TCF12: variants seen among roughly 807,000 people sequenced by gnomAD.
TCF12 encodes the protein DNA-binding protein HTF4.
TCF12 carries 45 observed loss-of-function variants against 86.0 expected under a neutral mutation model. That is an observed-to-expected ratio of 0.52 (90% CI 0.41 to 0.67). TCF12 has a LOEUF of 0.67. TCF12 is among the 30% of genes least tolerant of loss of function. TCF12 has a pLI of 0.00. For synonymous variants in TCF12, 330 were observed against 299.6 expected (o/e 1.10, Z -1.05); for missense variants, 881 against 859.9 (o/e 1.02, Z -0.31).
intron 4 of TCF12, among the ~76,000 whole-genome samples, chr15:57,077,325 ATATGTGTGTGTG>A (rs1366121439): frequency 0.033 from 4,181 of 127,248 alleles, 380 homozygotes; most frequent in African/African-American, 0.088. Context: ...ATATGTATAT[ATATGTGTGTGTG>A]TGTGTGTGTG....
chr15:56,957,479 C>T (rs1303529247), intron 3 of TCF12, among the ~76,000 whole-genome samples: 1 of 152,106 alleles, frequency 6.6e-6, no homozygotes, highest in African/African-American at 2.4e-5. Flanking sequence ...GTTTTTCTTC[C>T]ACAATGTTTA....
intron 7 of TCF12, among the ~76,000 whole-genome samples, chr15:57,196,587 G>A (rs2057276653): frequency 6.6e-6 from 1 of 152,122 alleles, no homozygotes; most frequent in African/African-American, 2.4e-5. Flanking sequence ...GTGTAAACCT[G>A]GAACCCTGTG....
intron 6 of TCF12, among the ~76,000 whole-genome samples, chr15:57,184,760 G>C (rs2056567894): frequency 6.6e-6 from 1 of 151,896 alleles, no homozygotes; most frequent in Non-Finnish European, 1.5e-5. Context: ...AATAAAAGAA[G>C]GAAATTCAAA....
intron 8 of TCF12, among the ~76,000 whole-genome samples, chr15:57,223,642 G>GGTTTTTTTTTT (rs1555400179): frequency 1.5e-4 from 5 of 34,248 alleles, no homozygotes; most frequent in Non-Finnish European, 2.8e-4. Context: ...CTACCAATGA[G>GGTTTTTTTTTT]GTTTTTTTTT....
chr15:57,133,471 G>C (rs146567044), intron 5 of TCF12, among the ~76,000 whole-genome samples: 1 of 152,280 alleles, frequency 6.6e-6, no homozygotes, highest in East Asian at 1.9e-4. Flanking sequence ...CCCCTCCGAG[G>C]TCCTCAGGGT....
intron 8 of TCF12, among the ~76,000 whole-genome samples, chr15:57,208,590 G>T (rs2057965394): frequency 6.6e-6 from 1 of 151,006 alleles, no homozygotes; most frequent in Non-Finnish European, 1.5e-5. Context: ...TCATCTTGTT[G>T]CCCAGGCAGG....
At chr15:57,153,315 A>G (rs1295731040) in intron 5 of TCF12, among the ~76,000 whole-genome samples, 2 of 152,200 alleles carry the variant, frequency 1.3e-5, no homozygotes, top group African/African-American at 2.4e-5. Context: ...TTCTGTCACA[A>G]CTACTCAACT....
intron 3 of TCF12, among the ~76,000 whole-genome samples, chr15:56,933,091 A>G (rs1309778989): frequency 4.6e-5 from 7 of 152,196 alleles, no homozygotes; most frequent in African/African-American, 1.2e-4. Flanking sequence ...GCTACCATTT[A>G]GTTGAGGTCA....
At chr15:57,036,483 G>C (rs1469576866) in intron 3 of TCF12, among the ~76,000 whole-genome samples, 1 of 152,052 alleles carries the variant, frequency 6.6e-6, no homozygotes, top group Non-Finnish European at 1.5e-5. Flanking sequence ...GCATATGAGG[G>C]TTCTAATTTT....
intron 5 of TCF12, among the ~76,000 whole-genome samples, chr15:57,141,695 C>T (rs1468543293): frequency 2.0e-5 from 3 of 152,208 alleles, no homozygotes; most frequent in Non-Finnish European, 4.4e-5. Context: ...TCACTGGAAA[C>T]AGCTATAAAT....
At chr15:57,198,094 T>A (rs1335133646) in intron 8 of TCF12, among the ~76,000 whole-genome samples, 2 of 152,230 alleles carry the variant, frequency 1.3e-5, no homozygotes, top group African/African-American at 4.8e-5. Context: ...ACTAGGCCAG[T>A]AGCTGTCAAA....
chr15:57,271,385 C>G (rs967649049), intron 18 of TCF12, among the ~76,000 whole-genome samples: 26 of 152,222 alleles, frequency 1.7e-4, no homozygotes, highest in Non-Finnish European at 2.9e-5. Flanking sequence ...GGGCCTGGGA[C>G]CCACCAGGCC....
chr15:56,946,436 T>G (rs1189683913), intron 3 of TCF12, among the ~76,000 whole-genome samples: 1 of 152,180 alleles, frequency 6.6e-6, no homozygotes, highest in Admixed American at 6.5e-5. Flanking sequence ...GAAACTCTTT[T>G]GTTTTTAGAT....
At chr15:57,101,818 A>G (rs1389981650) in intron 5 of TCF12, among the ~76,000 whole-genome samples, 5 of 152,200 alleles carry the variant, frequency 3.3e-5, no homozygotes, top group African/African-American at 1.2e-4. Context: ...GGGAGTGACA[A>G]TTAAATGGGA....
At chr15:56,948,471 A>G (rs1185872874) in intron 3 of TCF12, among the ~76,000 whole-genome samples, 1 of 152,222 alleles carries the variant, frequency 6.6e-6, no homozygotes, top group Non-Finnish European at 1.5e-5. Flanking sequence ...AGAATTTAGT[A>G]TGTAAAGGTT....
At chr15:57,169,720 G>A (rs532115639) in intron 6 of TCF12, among the ~76,000 whole-genome samples, 2 of 152,164 alleles carry the variant, frequency 1.3e-5, no homozygotes, top group Admixed American at 6.5e-5. Context: ...TAAGCTTTTT[G>A]AGACCACAGC....
intron 5 of TCF12, among the ~76,000 whole-genome samples, chr15:57,152,882 T>C (rs550253956): frequency 5.9e-5 from 9 of 151,642 alleles, no homozygotes; most frequent in Middle Eastern, 3.4e-3. Flanking sequence ...ACCACACATA[T>C]TCCCTTAGAC....
chr15:57,151,141 ATT>A (rs756072811), intron 5 of TCF12, among the ~76,000 whole-genome samples: 41 of 128,094 alleles, frequency 3.2e-4, no homozygotes, highest in Admixed American at 6.7e-4. Context: ...TGCCTGGCCA[ATT>A]TTTTTTTTTT....
chr15:57,063,854 C>A, intron 4 of TCF12, 31 bp downstream of exon 4: 1 of 1,515,108 alleles, frequency 6.6e-7, no homozygotes, highest in Non-Finnish European at 9.0e-7. Flanking sequence ...TTGATTAAAG[C>A]TGTAATTTGG....
Sources: allele counts gnomAD v4.1 joint callset (sites outside exome capture counted in the v4.1 genomes callset), GRCh38; gene constraint gnomAD v4.1.1; transcripts MANE v1.5; gene names NCBI Gene and HGNC (gene_info 2026-07-23, HGNC 2026-07-21).